Variants in ANKFY1 observed in about 807,000 individuals in gnomAD.
ANKFY1 encodes the protein ankyrin repeat and FYVE domain-containing protein 1.
ANKFY1 carries 47 observed loss-of-function variants against 128.3 expected under a neutral mutation model. The observed-to-expected ratio is 0.37, with a 90% CI of 0.29 to 0.47. The LOEUF is 0.47. Among genes scored for constraint, ANKFY1 ranks in the 20% least tolerant of loss-of-function variants. The pLI, the probability that ANKFY1 is intolerant of heterozygous loss-of-function variation, is 1.00. For missense variants in ANKFY1, 1,222 were observed against 1,510.6 expected (o/e 0.81, Z 3.17); for synonymous variants, 553 against 601.6 (o/e 0.92, Z 1.18).
chr17:4,173,589 C>T, intron 20 of ANKFY1, 145 bp from the exon 21 acceptor site: 1 of 780,068 alleles, frequency 1.3e-6, no homozygotes, highest in Non-Finnish European at 2.2e-6. Context: ...TTCTGGTCTT[C>T]ACCGCCCTCA....
intron 16 of ANKFY1, 47 bp from the exon 17 acceptor site, chr17:4,179,924 C>A (rs750576968): frequency 5.0e-6 from 8 of 1,607,212 alleles, no homozygotes; most frequent in Non-Finnish European, 5.9e-6. Context: ...TTGGACCTGG[C>A]GTATAGGCAT....
intron 1 of ANKFY1, among the ~76,000 whole-genome samples, chr17:4,261,451 G>A (rs978002253): frequency 2.0e-5 from 3 of 152,202 alleles, no homozygotes; most frequent in Admixed American, 6.5e-5. Flanking sequence ...TTGCACTCCC[G>A]CCTGGGCAAC....
At chr17:4,221,918 T>G (rs1011200260) in intron 3 of ANKFY1, among the ~76,000 whole-genome samples, 1 of 152,164 alleles carries the variant, frequency 6.6e-6, no homozygotes, top group Admixed American at 6.5e-5. Flanking sequence ...TGCCCAGCCC[T>G]ATTGTTTTCT....
chr17:4,263,517 C>T (rs1481166557), intron 1 of ANKFY1: 2 of 1,509,908 alleles, frequency 1.3e-6, no homozygotes, highest in Non-Finnish European at 1.8e-6. Context: ...CACGCTCTTC[C>T]GCAAGCGAGG....
At position 4,169,188 on chromosome 17, in the gene ANKFY1, G is replaced by C. The variant is rs371574612; in HGVS notation, c.3377+10C>G. 1.3e-6 allele frequency: 2 copies of C among 1,549,360 alleles called. No individual in the cohort carries two copies. Among genetic ancestry groups the C allele is most frequent in the Non-Finnish European group, 1.7e-6 (2 of 1,144,908 alleles). On this transcript the variant is annotated intron_variant, in intron 24 of 24. Coordinates refer to ENST00000341657, the MANE Select transcript of ANKFY1 (RefSeq NM_001330063.2). This position sits in a 1 kb window ranked among gnomAD's most constrained non-coding sequence, Gnocchi z 5.0. ...CCCCTCGCTCCTTGCCAGTGACGCT[G>C]GGGTCTTACCAGTGGTGTTTGCGAG...
chr17:4,220,963 T>G (rs2060300956), intron 3 of ANKFY1, among the ~76,000 whole-genome samples: 1 of 152,240 alleles, frequency 6.6e-6, no homozygotes, highest in Non-Finnish European at 1.5e-5. Context: ...AGGCCCTGCA[T>G]GCAAGCCAGA....
At chr17:4,220,536 A>G (rs1031548693) in intron 3 of ANKFY1, among the ~76,000 whole-genome samples, 2 of 152,228 alleles carry the variant, frequency 1.3e-5, no homozygotes, top group Non-Finnish European at 2.9e-5. Context: ...TACAAGTAAT[A>G]AACAAAAACC....
At chr17:4,222,794 T>C in intron 3 of ANKFY1, 2 of 1,013,684 alleles carry the variant, frequency 2.0e-6, no homozygotes. Flanking sequence ...TGAAAAGGGT[T>C]GAACTGGATG....
Position 4,163,936 on chromosome 17 carries a change from A to G in ANKFY1, c.*3843T>C, listed in dbSNP as rs1199562824. The stretch of plus-strand genomic sequence containing the variant: ...ATTTTACTTCATTTTATTATAAGGA[A>G]TTGTTACAGAAAATGCAAATATCAG... On this transcript the variant is annotated 3_prime_UTR_variant, in exon 25 of 25. Coordinates refer to ENST00000341657, the MANE Select transcript of ANKFY1 (RefSeq NM_001330063.2). The G allele has an allele frequency of 6.5e-6, 1 of 152,818 alleles. No individual in the cohort carries two copies. Among genetic ancestry groups the G allele is most frequent in the East Asian group, 1.9e-4 (1 of 5,196 alleles). The allele number at this position is 152,818 out of a possible 1,614,324, so 9.5% of individuals were successfully genotyped here.
chr17:4,220,529 A>C (rs977740730), intron 3 of ANKFY1, among the ~76,000 whole-genome samples: 12 of 152,204 alleles, frequency 7.9e-5, no homozygotes, highest in Non-Finnish European at 1.8e-4. Context: ...TGACCTGTAC[A>C]AGTAATAAAC....
intron 3 of ANKFY1, among the ~76,000 whole-genome samples, chr17:4,221,619 G>T (rs1406423233): frequency 6.6e-6 from 1 of 152,006 alleles, no homozygotes; most frequent in East Asian, 1.9e-4. Flanking sequence ...GTTTCCAACT[G>T]TTTTTTTCTT....
intron 8 of ANKFY1, among the ~76,000 whole-genome samples, chr17:4,196,779 G>C (rs2059831966): frequency 6.6e-6 from 1 of 152,152 alleles, no homozygotes; most frequent in African/African-American, 2.4e-5. Flanking sequence ...GGTTTCCTTG[G>C]AGGCACTGGA....
At position 4,177,321 on chromosome 17, in the gene ANKFY1, A is replaced by G. The variant is rs758804534; in HGVS notation, c.2599-19T>C. 6 of 1,559,154 alleles carry G rather than the reference A, an allele frequency of 3.8e-6. No individual in the cohort carries two copies. The highest frequency in any genetic ancestry group is 1.7e-4 in the Middle Eastern group (1 of 5,916). On this transcript the variant is annotated intron_variant, in intron 18 of 24. Transcript: ENST00000341657. Reference sequence around the variant, plus strand: ...TATCCACCTACAGCAACAAGTGCAAAGCAAAATATTAGTTCCCTTTTCAGA... The same window carrying G: ...TATCCACCTACAGCAACAAGTGCAAGGCAAAATATTAGTTCCCTTTTCAGA...
Position 4,166,646 on chromosome 17 carries a change from T to A in ANKFY1, c.*1133A>T, listed in dbSNP as rs1307616212. ...AGGGCCCTTGGCTGGTGGCCCTTCA[T>A]GGGGCAGGGCAAGCTACACAGAACT... On this transcript the variant is annotated 3_prime_UTR_variant, in exon 25 of 25. Coordinates refer to ENST00000341657, the MANE Select transcript of ANKFY1 (RefSeq NM_001330063.2). The A allele has an allele frequency of 1.3e-5, 2 of 152,328 alleles. No homozygotes were observed. Among genetic ancestry groups the A allele is most frequent in the Non-Finnish European group, 2.9e-5 (2 of 68,066 alleles). 9.4% of individuals were successfully genotyped at this position (152,328 alleles called of 1,614,324 possible).
intron 12 of ANKFY1, 28 bp from the exon 13 acceptor site, chr17:4,183,938 C>A: frequency 6.4e-7 from 1 of 1,560,906 alleles, no homozygotes; most frequent in Non-Finnish European, 8.8e-7. Flanking sequence ...TAAAAGAACA[C>A]TTGATGTCAC....
chr17:4,200,396 T>C (rs1042201231), intron 7 of ANKFY1, among the ~76,000 whole-genome samples: 1 of 152,150 alleles, frequency 6.6e-6, no homozygotes, highest in African/African-American at 2.4e-5. Flanking sequence ...GTTAAACATC[T>C]TCCAAATAAA....
intron 20 of ANKFY1, 119 bp downstream of exon 20, chr17:4,173,790 A>T: frequency 7.4e-7 from 1 of 1,356,928 alleles, no homozygotes; most frequent in Non-Finnish European, 1.0e-6. Flanking sequence ...ACTTCCTGTC[A>T]CAGCTTTGCT....
At chr17:4,223,960 CTTT>C (rs1257034345) in intron 3 of ANKFY1, 1 of 542,674 alleles carries the variant, frequency 1.8e-6, no homozygotes, top group African/African-American at 1.9e-5. Context: ...AGAATCTGAA[CTTT>C]TTAAGACAGA....
intron 11 of ANKFY1, chr17:4,187,499 A>G: frequency 2.6e-6 from 1 of 377,738 alleles, no homozygotes; most frequent in Non-Finnish European, 4.7e-6. Flanking sequence ...TAAAGCCCAC[A>G]CAGCGGAAGC....
Sources: allele counts gnomAD v4.1 joint callset (sites outside exome capture counted in the v4.1 genomes callset), GRCh38; gene constraint gnomAD v4.1.1; non-coding constraint Gnocchi (gnomAD v3.1); transcripts MANE v1.5; gene names NCBI Gene and HGNC (gene_info 2026-07-23, HGNC 2026-07-21).